MYBL2: variants seen among roughly 807,000 people sequenced by gnomAD.
MYBL2 encodes the protein MYB proto-oncogene like 2.
Under a neutral mutation model 79.9 loss-of-function variants are expected in MYBL2, and 28 were observed. The ratio of observed to expected loss-of-function variants is 0.35; its 90% confidence interval spans 0.26 to 0.48. The LOEUF is 0.48. Ranked by LOEUF, MYBL2 falls within the 20% of genes least tolerant of loss-of-function variation. The pLI, the probability that MYBL2 is intolerant of heterozygous loss-of-function variation, is 0.99. For missense variants in MYBL2, 735 were observed against 893.9 expected, an observed-to-expected ratio of 0.82 and a Z score of 2.27; for synonymous variants, 378 against 361.2, an observed-to-expected ratio of 1.05 and a Z score of -0.53.
intron 1 of MYBL2, among the ~76,000 whole-genome samples, chr20:43,671,447 C>T (rs572613701): frequency 6.7e-6 from 1 of 149,614 alleles, no homozygotes; most frequent in Non-Finnish European, 1.5e-5. Flanking sequence ...TGAGTCACCG[C>T]GCCCGGCTGA....
chr20:43,710,151 C>T, intron 10 of MYBL2, 89 bp downstream of exon 10: 2 of 1,025,538 alleles, frequency 2.0e-6, no homozygotes, highest in Non-Finnish European at 2.8e-6. Flanking sequence ...ACCCTTCCCT[C>T]TGAGGTCTCA....
intron 6 of MYBL2, among the ~76,000 whole-genome samples, chr20:43,694,942 T>C (rs552751795): frequency 6.6e-6 from 1 of 152,344 alleles, no homozygotes; most frequent in South Asian, 2.1e-4. Context: ...AGTTATTGAC[T>C]TGGCTTTTGT....
chr20:43,698,201 CA>C (rs1349082316), intron 6 of MYBL2, among the ~76,000 whole-genome samples: 1 of 150,720 alleles, frequency 6.6e-6, no homozygotes, highest in African/African-American at 2.4e-5. Flanking sequence ...GTATAATTTA[CA>C]TACAATAAAA....
intron 3 of MYBL2, 129 bp from the exon 4 acceptor site, chr20:43,682,665 C>A: frequency 1.3e-6 from 1 of 784,248 alleles, no homozygotes; most frequent in Non-Finnish European, 2.2e-6. Context: ...CTGCATGGAA[C>A]AGGACACACC....
intron 9 of MYBL2, among the ~76,000 whole-genome samples, chr20:43,705,672 ATATTTATT>A (rs138328914): frequency 0.012 from 1,770 of 144,712 alleles, 19 homozygotes; most frequent in African/African-American, 0.04. Flanking sequence ...AATTAAAAAA[ATATTTATT>A]TATTTATTTA....
At chr20:43,706,920 TGG>T (rs1288659729) in intron 9 of MYBL2, among the ~76,000 whole-genome samples, 1 of 151,376 alleles carries the variant, frequency 6.6e-6, no homozygotes, top group African/African-American at 2.4e-5. Context: ...TTCACCGTGT[TGG>T]TCAGGCTGGT....
chr20:43,692,214 A>C lies in MYBL2; in HGVS notation c.558A>C (p.Thr186=), dbSNP rs746467146. The change falls in exon 6 of 14, where the codon ACA becomes ACC. Residue 186 remains threonine (T), a synonymous_variant. Transcript: ENST00000217026. ...WNSTIKRKVD[T]GGFLSESKDC... ...CTACCATCAAAAGGAAGGTGGACAC[A>C]GGAGGCTTCTTGAGCGAGTCCAAAG... 6.2e-7 allele frequency: 1 copy of C among 1,614,176 alleles called. No homozygotes were observed. Among genetic ancestry groups the C allele is most frequent in the South Asian group, 1.1e-5 (1 of 91,088 alleles).
At chr20:43,687,185 C>G (rs1372615529) in intron 5 of MYBL2, 113 bp downstream of exon 5, 5 of 1,124,934 alleles carry the variant, frequency 4.4e-6, no homozygotes, top group South Asian at 1.5e-5. Context: ...TTCTGTAACA[C>G]CCAGCCTCGG....
intron 1 of MYBL2, among the ~76,000 whole-genome samples, chr20:43,669,177 G>A (rs1323498327): frequency 1.3e-5 from 2 of 152,046 alleles, no homozygotes; most frequent in African/African-American, 4.8e-5. Context: ...GGCGGGAGTG[G>A]CCTCGCGTTG....
intron 10 of MYBL2, among the ~76,000 whole-genome samples, chr20:43,710,339 G>A (rs1303204781): frequency 6.6e-6 from 1 of 152,232 alleles, no homozygotes; most frequent in African/African-American, 2.4e-5. Flanking sequence ...GGGGGAGACT[G>A]ATGTGAAATA....
At chr20:43,674,344 C>G (rs915288599) in intron 2 of MYBL2, among the ~76,000 whole-genome samples, 2 of 146,180 alleles carry the variant, frequency 1.4e-5, no homozygotes, top group Non-Finnish European at 1.5e-5. Context: ...TCAAGCGATT[C>G]TCCTGCCTCA....
Position 43,699,947 on chromosome 20 carries a change from A to G in MYBL2, c.854A>G (p.Glu285Gly), listed in dbSNP as rs769976126. 2 of 1,614,162 alleles carry G rather than the reference A, an allele frequency of 1.2e-6. No individual in the cohort carries two copies. The highest frequency in any genetic ancestry group is 1.7e-6 in the Non-Finnish European group (2 of 1,180,024). The change falls in exon 7 of 14, where the codon GAA (glutamate) becomes GGA (glycine). Residue 285 changes from glutamate to glycine, a missense_variant. Coordinates refer to ENST00000217026, the MANE Select transcript of MYBL2 (RefSeq NM_002466.4). Reference sequence around the variant, plus strand: ...GAGGACCAGGAAGGCTCCCCACCAGAAACGAGCCTGCCTTACAAGTGGGTG... The same window carrying G: ...GAGGACCAGGAAGGCTCCCCACCAGGAACGAGCCTGCCTTACAAGTGGGTG... ...KREDQEGSPPETSLPYKWVVE... is the reference protein window; with the variant it reads ...KREDQEGSPPGTSLPYKWVVE...
intron 2 of MYBL2, among the ~76,000 whole-genome samples, chr20:43,674,243 T>A (rs1268655225): frequency 1.5e-5 from 2 of 135,922 alleles, no homozygotes; most frequent in African/African-American, 5.3e-5. Context: ...CCTTTTTTTT[T>A]TTTTTTTTTT....
chr20:43,675,911 G>GTT (rs3092199), intron 2 of MYBL2, among the ~76,000 whole-genome samples: 7,643 of 144,748 alleles, frequency 0.053, 274 homozygotes, highest in African/African-American at 0.093. Flanking sequence ...CCAATAGGTA[G>GTT]TTTTTTTTTT....
Position 43,715,247 on chromosome 20 carries a change from C to T in MYBL2, c.1938C>T (p.Ala646=), listed in dbSNP as rs201743161. 12 of 1,614,238 alleles carry T rather than the reference C, an allele frequency of 7.4e-6. No homozygotes were observed. In the East Asian group the frequency reaches 2.7e-4, roughly 36 times the overall value. ...LQAKPEKAAV[A]QKPRSHFTTP... ...CCAAGCCCGAGAAGGCAGCAGTGGC[C>T]CAGAAGCCCCGAAGCCACTTCACGA... Residue 646 remains alanine (A), a synonymous_variant, in exon 13 of 14, where the codon GCC becomes GCT. Coordinates refer to ENST00000217026, the MANE Select transcript of MYBL2 (RefSeq NM_002466.4).
At chr20:43,710,603 G>C (rs573999829) in intron 10 of MYBL2, among the ~76,000 whole-genome samples, 1 of 152,198 alleles carries the variant, frequency 6.6e-6, no homozygotes, top group Non-Finnish European at 1.5e-5. Context: ...AGGTGTTTTA[G>C]AAATCAGTGG....
chr20:43,670,439 CT>C (rs781353336), intron 1 of MYBL2, among the ~76,000 whole-genome samples: 62 of 152,156 alleles, frequency 4.1e-4, no homozygotes, highest in Non-Finnish European at 6.6e-4. Context: ...AAATTTTTTT[CT>C]TTTGAAATTG....
At chr20:43,681,647 C>A in intron 2 of MYBL2, 137 bp from the exon 3 acceptor site, 1 of 844,216 alleles carries the variant, frequency 1.2e-6, no homozygotes, top group Non-Finnish European at 2.0e-6. Flanking sequence ...AGCTGTAGTG[C>A]CTGGCACCTT....
chr20:43,711,729 C>A, intron 11 of MYBL2, 128 bp downstream of exon 11: 2 of 759,834 alleles, frequency 2.6e-6, no homozygotes, highest in Non-Finnish European at 4.3e-6. Context: ...ATCCCCTTTG[C>A]CCCCTTTCGC....
Sources: gnomAD v4.1 joint callset for allele counts (sites outside exome capture counted in the v4.1 genomes callset) on GRCh38, gnomAD v4.1.1 for gene constraint, MANE v1.5 for transcripts, NCBI Gene and HGNC (gene_info 2026-07-23, HGNC 2026-07-21) for gene names.